Variants in SECISBP2 observed in about 807,000 individuals in gnomAD.
The protein encoded by SECISBP2 is SECIS binding protein 2.
Under a neutral mutation model 98.2 loss-of-function variants are expected in SECISBP2, and 96 were observed. The ratio of observed to expected loss-of-function variants is 0.98; its 90% CI spans 0.83 to 1.16. The LOEUF is 1.16. Ranked by LOEUF, SECISBP2 falls within the 50% of genes most tolerant of loss-of-function variation. The pLI is 0.00. For synonymous variants in SECISBP2, 407 were observed against 370.2 expected (o/e 1.10, Z -1.14); for missense variants, 1,046 against 1,022.9 (o/e 1.02, Z -0.31).
At chr9:89,355,060 G>T in intron 14 of SECISBP2, 1 of 985,388 alleles carries the variant, frequency 1.0e-6, no homozygotes, top group Non-Finnish European at 1.2e-6. Context: ...CAGGGGCAGG[G>T]TGTGGGCAGA....
chr9:89,324,442 G>C (rs1278289717), intron 2 of SECISBP2: 1 of 152,216 alleles, frequency 6.6e-6, no homozygotes, highest in Admixed American at 6.5e-5. Flanking sequence ...ATATGATTAA[G>C]TACTGGATAG....
chr9:89,365,519 G>C, the SECISBP2 span: 5 of 152,234 alleles, frequency 3.3e-5, no homozygotes, highest in African/African-American at 7.2e-5. Context: ...ATGACACCTC[G>C]TAAGAATTGG....
At chr9:89,352,425 A>G (rs2132018240) in intron 14 of SECISBP2, among the ~76,000 whole-genome samples, 1 of 152,330 alleles carries the variant, frequency 6.6e-6, no homozygotes, top group East Asian at 1.9e-4. Flanking sequence ...TTAGGAGAAA[A>G]GGATTCATGG....
chr9:89,333,058 C>T, intron 6 of SECISBP2, 72 bp downstream of exon 6: 1 of 1,269,716 alleles, frequency 7.9e-7, no homozygotes, highest in Non-Finnish European at 1.1e-6. Flanking sequence ...AACTCCAGTG[C>T]AGTTGAAATG....
chr9:89,339,987 G>A lies in SECISBP2; in HGVS notation c.1302+34G>A, dbSNP rs754898100. ...TAGATTGAAACCACAAATTGCTTTA[G>A]GCTTAACTCTTCTGGCTCAACTAAA... On this transcript the variant is annotated intron_variant, in intron 9 of 16. Transcript: ENST00000375807. The A allele has an allele frequency of 5.5e-6, 8 of 1,446,010 alleles. No homozygotes were observed. The Middle Eastern group carries it at 5.2e-4, about 95-fold the overall frequency. 89.6% of individuals were successfully genotyped at this position (1,446,010 alleles called of 1,614,324 possible). A position where few individuals can be genotyped will look rare whatever the true frequency, so the allele number is the denominator to read the frequency against.
chr9:89,358,000 A>G lies in SECISBP2; in HGVS notation c.2270A>G (p.Asp757Gly). The G allele has an allele frequency of 6.2e-7, 1 of 1,612,782 alleles. No homozygotes were observed. Among genetic ancestry groups the G allele is most frequent in the South Asian group, 1.1e-5 (1 of 90,854 alleles). The change falls in exon 16 of 17, where the codon GAT becomes GGT. Residue 757 changes from aspartate (D) to glycine (G), a missense_variant and splice_region_variant. Transcript: ENST00000375807. The part of the protein sequence containing the change: ...VGIFSYDGAQ[D>G]QFHKMVELTV... The stretch of plus-strand genomic sequence containing the variant: ...TGTGTGCTCTCACTTGTGCCCAAGG[A>G]TCAGTTCCACAAGATGGTTGAGCTG...
At chr9:89,362,810 C>T (rs549298620), downstream of SECISBP2, among the ~76,000 whole-genome samples, 11 of 147,908 alleles carry the variant, frequency 7.4e-5, no homozygotes, top group Non-Finnish European at 1.6e-4. Flanking sequence ...TGCTGCAGAC[C>T]CCACCGCAGG....
In SECISBP2 at chr9:89,328,850, A is replaced by G. The variant is rs756038364; in HGVS notation, c.765A>G (p.Leu255=). The change falls in exon 5 of 17, where the codon CTA becomes CTG. Residue 255 remains leucine, a synonymous_variant. Transcript: ENST00000375807. ...CTGTCTCTACCGACATTTCTCTTCT[A>G]AGAGAAGTAGTAAAACCAGCTGCAG... is the stretch of plus-strand genomic sequence containing the variant. ...VHSVSTDISL[L]REVVKPAAVL... The G allele has an allele frequency of 1.2e-6, 2 of 1,614,232 alleles. No individual in the cohort carries two copies. Among genetic ancestry groups the G allele is most frequent in the Non-Finnish European group, 1.7e-6 (2 of 1,180,034 alleles).
chr9:89,342,847 T>A (rs73654763), intron 10 of SECISBP2, among the ~76,000 whole-genome samples: 1,894 of 152,316 alleles, frequency 0.012, 35 homozygotes, highest in African/African-American at 0.043. Flanking sequence ...GTAGTGATGG[T>A]TACACAACAT....
downstream of SECISBP2, chr9:89,363,846 T>C: frequency 6.2e-7 from 1 of 1,614,150 alleles, no homozygotes; most frequent in Non-Finnish European, 8.5e-7. Context: ...TGCAGCCAGC[T>C]GAGTGCATGG....
intron 10 of SECISBP2, among the ~76,000 whole-genome samples, chr9:89,342,001 G>A (rs913759908): frequency 1.3e-5 from 2 of 152,122 alleles, no homozygotes; most frequent in Non-Finnish European, 2.9e-5. Flanking sequence ...TCAAGAAAGC[G>A]GAAAGACATC....
chr9:89,330,711 C>T (rs1236985546), intron 5 of SECISBP2, among the ~76,000 whole-genome samples: 1 of 152,200 alleles, frequency 6.6e-6, no homozygotes, highest in African/African-American at 2.4e-5. Flanking sequence ...AATCATAGTT[C>T]CATCTGGCCT....
intron 8 of SECISBP2, among the ~76,000 whole-genome samples, chr9:89,339,652 C>CT (rs780990990): frequency 1.4e-4 from 22 of 151,824 alleles, no homozygotes; most frequent in African/African-American, 1.9e-4. Context: ...TGGTGACACT[C>CT]TTTTTTTTGG....
At chr9:89,346,841 C>T in intron 10 of SECISBP2, 41 bp from the exon 11 acceptor site, 1 of 1,612,940 alleles carries the variant, frequency 6.2e-7, no homozygotes, top group South Asian at 1.1e-5. Context: ...GGTGGGGCAT[C>T]TGGGAGGTGA....
Position 89,325,923 on chromosome 9 carries a change from G to C in SECISBP2, c.459G>C (p.Thr153=). 1 of 1,613,942 alleles carries C rather than the reference G, an allele frequency of 6.2e-7. No homozygotes were observed. The highest frequency in any genetic ancestry group is 1.1e-5 in the South Asian group (1 of 91,082). Residue 153 remains threonine, a synonymous_variant, in exon 4 of 17, where the codon ACG becomes ACC. Coordinates refer to ENST00000375807, the MANE Select transcript of SECISBP2 (RefSeq NM_024077.5). ...FKKKTYDEKK[T]YDQQKFDSER... ...AGAAAACCTATGATGAGAAAAAAAC[G>C]TATGATCAGCAAAAGTTTGACAGTG...
rs1831027938 is a variant in SECISBP2, at chr9:89,349,992, A to G, written c.1892+63A>G. Reference sequence around the variant, plus strand: ...TGGAAGTGCTTCGGTTCAGTATGGCATTGATATCTCCCATAAATCCTTGTT... The same window carrying G: ...TGGAAGTGCTTCGGTTCAGTATGGCGTTGATATCTCCCATAAATCCTTGTT... On this transcript the variant is annotated intron_variant, in intron 13 of 16. Transcript: ENST00000375807. 4 of 1,577,664 alleles carry G rather than the reference A, an allele frequency of 2.5e-6. No individual in the cohort carries two copies. The East Asian group carries it at 6.7e-5, about 27-fold the overall frequency.
At chr9:89,354,721 G>C (rs368631894) in intron 14 of SECISBP2, 1 of 972,656 alleles carries the variant, frequency 1.0e-6, no homozygotes. Context: ...AGGCAGCCTC[G>C]AGAGGACAGC....
At chr9:89,334,806 A>T (rs560260124) in intron 7 of SECISBP2, 76 bp downstream of exon 7, 2 of 1,076,896 alleles carry the variant, frequency 1.9e-6, no homozygotes, top group Non-Finnish European at 2.8e-6. Context: ...GAAGTTATTT[A>T]TTAATGGGTA....
chr9:89,344,112 A>T (rs957761533), intron 10 of SECISBP2, among the ~76,000 whole-genome samples: 10 of 152,238 alleles, frequency 6.6e-5, no homozygotes, highest in African/African-American at 1.4e-4. Flanking sequence ...GGCCACGTGT[A>T]TGTCTCTTGA....
Sources: allele counts gnomAD v4.1 joint callset (sites outside exome capture counted in the v4.1 genomes callset), GRCh38; gene constraint gnomAD v4.1.1; transcripts MANE v1.5; gene names NCBI Gene and HGNC (gene_info 2026-07-23, HGNC 2026-07-21).